Variants in CAMK1D observed in about 807,000 individuals in gnomAD.
CAMK1D encodes the protein calcium/calmodulin-dependent protein kinase type 1D.
In CAMK1D, 9 loss-of-function variants were observed where a neutral mutation model predicts 47.7. The observed-to-expected ratio is 0.19, with a 90% CI of 0.11 to 0.33. CAMK1D has a LOEUF of 0.33. Ranked by LOEUF, CAMK1D falls within the 10% of genes least tolerant of loss-of-function variation. The pLI, the probability that CAMK1D is intolerant of heterozygous loss-of-function variation, is 1.00. For synonymous variants in CAMK1D, 184 were observed against 184.9 expected, an observed-to-expected ratio of 0.99 and a Z score of 0.04; for missense variants, 291 against 488.7, an observed-to-expected ratio of 0.60 and a Z score of 3.81.
chr10:12,604,562 G>T (rs952314121), intron 2 of CAMK1D, among the ~76,000 whole-genome samples: 1 of 152,138 alleles, frequency 6.6e-6, no homozygotes, highest in Non-Finnish European at 1.5e-5. Context: ...TCAGAAACTT[G>T]AGGGCCACTT....
chr10:12,464,951 C>T (rs1833548307), intron 1 of CAMK1D, among the ~76,000 whole-genome samples: 1 of 152,200 alleles, frequency 6.6e-6, no homozygotes, highest in Non-Finnish European at 1.5e-5. Flanking sequence ...ACAGCACACA[C>T]ATTCCTGAGA....
chr10:12,602,268 T>C (rs369137319), intron 2 of CAMK1D, among the ~76,000 whole-genome samples: 22 of 152,318 alleles, frequency 1.4e-4, no homozygotes, highest in Middle Eastern at 3.4e-3. Context: ...TCTCACTATA[T>C]TGCCCAGACC....
At chr10:12,641,783 G>T (rs771567206) in intron 2 of CAMK1D, among the ~76,000 whole-genome samples, 28 of 152,100 alleles carry the variant, frequency 1.8e-4, no homozygotes, top group Non-Finnish European at 2.9e-4. Context: ...AGTGGCTCAC[G>T]CATGTAATCC....
intron 3 of CAMK1D, among the ~76,000 whole-genome samples, chr10:12,758,000 C>T (rs1213995110): frequency 1.3e-5 from 2 of 152,036 alleles, no homozygotes; most frequent in African/African-American, 2.4e-5. Flanking sequence ...TACCGGCACC[C>T]GCCATCATGC....
At chr10:12,743,530 A>G (rs1296853777) in intron 3 of CAMK1D, among the ~76,000 whole-genome samples, 1 of 152,224 alleles carries the variant, frequency 6.6e-6, no homozygotes, top group Non-Finnish European at 1.5e-5. Context: ...ATCACATACC[A>G]TAAAATTCAC....
At chr10:12,413,953 GTCTT>G (rs1008081939) in intron 1 of CAMK1D, among the ~76,000 whole-genome samples, 1 of 152,134 alleles carries the variant, frequency 6.6e-6, no homozygotes, top group Non-Finnish European at 1.5e-5. Context: ...TAAAATGAGG[GTCTT>G]TCCTGTTTTC....
chr10:12,485,904 T>C (rs1834199410), intron 1 of CAMK1D, among the ~76,000 whole-genome samples: 1 of 152,044 alleles, frequency 6.6e-6, no homozygotes, highest in African/African-American at 2.4e-5. Flanking sequence ...CAGCCCAGAG[T>C]GAGTCTTTGG....
chr10:12,616,797 C>T (rs1480367417), intron 2 of CAMK1D, among the ~76,000 whole-genome samples: 1 of 152,102 alleles, frequency 6.6e-6, no homozygotes, highest in East Asian at 1.9e-4. Context: ...GATGACAGGC[C>T]TGAGCCACCG....
intron 3 of CAMK1D, among the ~76,000 whole-genome samples, chr10:12,679,312 G>A (rs1226782276): frequency 6.6e-6 from 1 of 152,058 alleles, no homozygotes; most frequent in African/African-American, 2.4e-5. Context: ...AGAATATAAA[G>A]CATCAATTTC....
At chr10:12,753,695 C>T (rs1254487163) in intron 3 of CAMK1D, among the ~76,000 whole-genome samples, 1 of 152,204 alleles carries the variant, frequency 6.6e-6, no homozygotes, top group Non-Finnish European at 1.5e-5. Context: ...ACAGTGGCTG[C>T]ACCAGCCACC....
intron 3 of CAMK1D, among the ~76,000 whole-genome samples, chr10:12,734,444 ATATGTGTATATATACACATACACATATG>A (rs1189322553): frequency 2.1e-5 from 2 of 96,702 alleles, no homozygotes; most frequent in South Asian, 7.2e-4. Flanking sequence ...ACACACACAC[ATATGTGTATATATACACATACACATATG>A]TGTATATATA....
At chr10:12,613,312 G>A (rs1209608374) in intron 2 of CAMK1D, among the ~76,000 whole-genome samples, 1 of 152,216 alleles carries the variant, frequency 6.6e-6, no homozygotes, top group Non-Finnish European at 1.5e-5. Context: ...CACTGCAGCA[G>A]CACGCTAGTG....
At chr10:12,385,591 C>T (rs1338257238) in intron 1 of CAMK1D, among the ~76,000 whole-genome samples, 1 of 152,044 alleles carries the variant, frequency 6.6e-6, no homozygotes, top group African/African-American at 2.4e-5. Context: ...TTGCCTAAGG[C>T]TGGGGGTTGG....
intron 2 of CAMK1D, among the ~76,000 whole-genome samples, chr10:12,587,430 G>A (rs1405135897): frequency 6.6e-6 from 1 of 152,014 alleles, no homozygotes; most frequent in Non-Finnish European, 1.5e-5. Flanking sequence ...GATCCACAGT[G>A]ACTTAGCAGC....
intron 1 of CAMK1D, among the ~76,000 whole-genome samples, chr10:12,475,464 C>T (rs1833874666): frequency 6.6e-6 from 1 of 152,134 alleles, no homozygotes; most frequent in Non-Finnish European, 1.5e-5. Context: ...GATTTCCTTC[C>T]CCATTAAGCC....
chr10:12,606,857 C>G (rs567310433), intron 2 of CAMK1D, among the ~76,000 whole-genome samples: 1 of 151,974 alleles, frequency 6.6e-6, no homozygotes, highest in African/African-American at 2.4e-5. Flanking sequence ...GAGATGGAGT[C>G]TCGCTCTGTC....
intron 6 of CAMK1D, among the ~76,000 whole-genome samples, chr10:12,804,180 C>T (rs1838611027): frequency 6.6e-6 from 1 of 152,154 alleles, no homozygotes; most frequent in South Asian, 2.1e-4. Flanking sequence ...AAATTTGGTT[C>T]AATTTTCCTT....
In CAMK1D at chr10:12,566,808, T is replaced by C. The variant is rs985678170; in HGVS notation, c.224+13452T>C. Among the ~76,000 whole-genome samples the C allele has an allele frequency of 3.3e-5, 5 of 152,284 alleles. No individual in the cohort carries two copies. In the South Asian group the frequency reaches 1.0e-3, roughly 32 times the overall value. ...GGACTGAAGAAGCTACCCCAGTAGG[T>C]TGGCCAGATTCCACAATGGGATATT... On this transcript the variant is annotated intron_variant, in intron 2 of 10. Coordinates refer to ENST00000619168, the MANE Select transcript of CAMK1D (RefSeq NM_153498.4).
rs543491557 is a variant in CAMK1D, at chr10:12,746,180, C to T, written c.300-14768C>T. On this transcript the variant is annotated intron_variant, in intron 3 of 10. Coordinates refer to ENST00000619168, the MANE Select transcript of CAMK1D (RefSeq NM_153498.4). Reference sequence around the variant, plus strand: ...GAGGTGGAGATCATCCTGGCTAACACGGTGAAACCCCGTCTCTACTAAAAA... The same window carrying T: ...GAGGTGGAGATCATCCTGGCTAACATGGTGAAACCCCGTCTCTACTAAAAA... Among the ~76,000 whole-genome samples, 13 of 151,996 alleles carry T rather than the reference C, an allele frequency of 8.6e-5. 1 individual carries two copies. The highest frequency in any genetic ancestry group is 6.2e-4 in the South Asian group (3 of 4,810).
Sources: gnomAD v4.1 joint callset for allele counts (sites outside exome capture counted in the v4.1 genomes callset) on GRCh38, gnomAD v4.1.1 for gene constraint, MANE v1.5 for transcripts, NCBI Gene and HGNC (gene_info 2026-07-23, HGNC 2026-07-21) for gene names.